The following HYCC2 variants were observed in gnomAD, a reference collection of about 807,000 sequenced individuals.
HYCC2 encodes the protein hyccin PI4KA lipid kinase complex subunit 2.
chr2:201,006,571 G>C, the HYCC2 span, among the ~76,000 whole-genome samples: 1 of 152,040 alleles, frequency 6.6e-6, no homozygotes, highest in African/African-American at 2.4e-5. Flanking sequence ...TCAAGTGTTT[G>C]TGAGGCCACT....
chr2:200,983,110 A>C, the HYCC2 span, among the ~76,000 whole-genome samples: 2 of 152,178 alleles, frequency 1.3e-5, no homozygotes, highest in African/African-American at 4.8e-5. Flanking sequence ...AGAATATATA[A>C]TATACTGAGC....
chr2:201,016,653 G>A, the HYCC2 span, among the ~76,000 whole-genome samples: 1 of 150,106 alleles, frequency 6.7e-6, no homozygotes, highest in African/African-American at 2.5e-5. Context: ...AGGCTGGAGT[G>A]CAGTGGTACA....
chr2:200,982,196 ATTC>A, the HYCC2 span, among the ~76,000 whole-genome samples: 970 of 151,328 alleles, frequency 6.4e-3, 12 homozygotes, highest in African/African-American at 0.022. Context: ...ATACACTATC[ATTC>A]TTCTTCTGAA....
At chr2:201,001,530 C>G in the HYCC2 span, among the ~76,000 whole-genome samples, 1 of 152,310 alleles carries the variant, frequency 6.6e-6, no homozygotes, top group East Asian at 1.9e-4. Context: ...CTGATACATT[C>G]TACCACAGAA....
the HYCC2 span, chr2:200,981,095 G>T: frequency 4.1e-6 from 3 of 723,428 alleles, no homozygotes; most frequent in Non-Finnish European, 4.6e-6. The surrounding 1 kb of genome is among the most constrained non-coding windows in gnomAD (Gnocchi z 4.5). Context: ...GTAGGAAAGA[G>T]GGATAAAGAA....
chr2:201,046,439 GAAA>G, the HYCC2 span, among the ~76,000 whole-genome samples: 1 of 152,072 alleles, frequency 6.6e-6, no homozygotes, highest in Non-Finnish European at 1.5e-5. Flanking sequence ...GGAAGAACTT[GAAA>G]AGGGCTAAGG....
the HYCC2 span, chr2:201,021,765 G>A: frequency 3.6e-6 from 1 of 277,864 alleles, no homozygotes; most frequent in East Asian, 9.3e-5. Context: ...CAAGGGGTAG[G>A]GAATACACAC....
At chr2:201,042,898 GC>G in the HYCC2 span, among the ~76,000 whole-genome samples, 1 of 152,034 alleles carries the variant, frequency 6.6e-6, no homozygotes, top group Non-Finnish European at 1.5e-5. Context: ...GAAGTGAGGA[GC>G]CCCTCTGCCC....
At chr2:201,069,539 AAGAAACACAC>A in the HYCC2 span, among the ~76,000 whole-genome samples, 1 of 107,270 alleles carries the variant, frequency 9.3e-6, no homozygotes, top group African/African-American at 3.7e-5. Context: ...GTTACATAAG[AAGAAACACAC>A]ACACACACAC....
chr2:201,040,212 C>T, the HYCC2 span, among the ~76,000 whole-genome samples: 1 of 151,690 alleles, frequency 6.6e-6, no homozygotes, highest in African/African-American at 2.4e-5. Flanking sequence ...ACTAGCGAGC[C>T]TATTAAGTAT....
At chr2:201,002,733 C>T in the HYCC2 span, among the ~76,000 whole-genome samples, 1 of 152,198 alleles carries the variant, frequency 6.6e-6, no homozygotes, top group Admixed American at 6.5e-5. Context: ...CTGTGTTGGC[C>T]AGGCTGGTTT....
chr2:201,035,372 C>A, the HYCC2 span, among the ~76,000 whole-genome samples: 1 of 152,016 alleles, frequency 6.6e-6, no homozygotes, highest in Non-Finnish European at 1.5e-5. Context: ...TCACTGATAC[C>A]CTTTCTTCCA....
At chr2:201,056,606 G>A in the HYCC2 span, among the ~76,000 whole-genome samples, 118 of 151,776 alleles carry the variant, frequency 7.8e-4, no homozygotes, top group African/African-American at 2.6e-3. Context: ...CCCGGGAGGC[G>A]GAGGTTGCGG....
At chr2:200,995,112 A>C in the HYCC2 span, among the ~76,000 whole-genome samples, 1 of 152,196 alleles carries the variant, frequency 6.6e-6, no homozygotes, top group Non-Finnish European at 1.5e-5. Flanking sequence ...ATGAATTATA[A>C]ATAAGTTTAT....
the HYCC2 span, among the ~76,000 whole-genome samples, chr2:201,048,054 C>T: frequency 6.6e-6 from 1 of 151,794 alleles, no homozygotes; most frequent in African/African-American, 2.4e-5. Flanking sequence ...ATATATATAT[C>T]GGGGTAAACA....
chr2:201,019,539 G>C, the HYCC2 span, among the ~76,000 whole-genome samples: 1 of 152,066 alleles, frequency 6.6e-6, no homozygotes, highest in South Asian at 2.1e-4. Flanking sequence ...GATGGCTCGA[G>C]ACCAGGAGTT....
At chr2:201,056,060 G>A in the HYCC2 span, among the ~76,000 whole-genome samples, 5 of 152,058 alleles carry the variant, frequency 3.3e-5, no homozygotes, top group African/African-American at 7.2e-5. Context: ...GGTGGCAGGC[G>A]CCTGTAGCCT....
At chr2:201,059,524 G>A in the HYCC2 span, among the ~76,000 whole-genome samples, 1 of 152,130 alleles carries the variant, frequency 6.6e-6, no homozygotes, top group South Asian at 2.1e-4. Flanking sequence ...GACAGAGAGT[G>A]ACTCTTTCAG....
the HYCC2 span, chr2:201,063,723 G>C: frequency 2.5e-6 from 4 of 1,581,900 alleles, no homozygotes; most frequent in Non-Finnish European, 3.4e-6. Context: ...GGTTTCAGTG[G>C]GAATGACAAC....
Sources: gnomAD v4.1 joint callset for allele counts (sites outside exome capture counted in the v4.1 genomes callset) on GRCh38, gnomAD v4.1.1 for gene constraint, Gnocchi (gnomAD v3.1) non-coding constraint, MANE v1.5 for transcripts, NCBI Gene and HGNC (gene_info 2026-07-23, HGNC 2026-07-21) for gene names.